SMYD3: variants seen among roughly 807,000 people sequenced by gnomAD.
SMYD3 encodes the protein SET and MYND domain containing 3, also known as histone-lysine N-methyltransferase SMYD3.
Under a neutral mutation model 57.7 loss-of-function variants are expected in SMYD3, and 36 were observed. That is an observed-to-expected ratio of 0.62 (90% CI 0.48 to 0.82). SMYD3 has a LOEUF of 0.82. Ranked by LOEUF, SMYD3 falls within the 40% of genes least tolerant of loss-of-function variation. SMYD3 has a pLI of 0.00. For missense variants in SMYD3, 515 were observed against 538.8 expected (o/e 0.96, Z 0.44); for synonymous variants, 211 against 195.0 (o/e 1.08, Z -0.68).
intron 5 of SMYD3, among the ~76,000 whole-genome samples, chr1:246,042,116 C>A (rs904291328): frequency 2.0e-5 from 3 of 152,172 alleles, no homozygotes; most frequent in Non-Finnish European, 2.9e-5. Context: ...CCTCTAACTG[C>A]AGAAAGCTTC....
Position 246,355,838 on chromosome 1 carries a change from CT to C in SMYD3, c.165-745del, listed in dbSNP as rs1280163452. On this transcript the variant is annotated intron_variant, in intron 1 of 11. Transcript: ENST00000490107. The surrounding 1 kb of genome is among the most constrained non-coding windows in gnomAD (Gnocchi z 5.0). ...GCTCAGACACACCTATCCCTGCCCC[CT>C]GGTGGTCTTTCTCTACCAGCCCTGG... 6.6e-6 allele frequency among the ~76,000 whole-genome samples: 1 copy of C among 152,154 alleles called. No individual in the cohort carries two copies. The highest frequency in any genetic ancestry group is 1.5e-5 in the Non-Finnish European group (1 of 68,014).
chr1:246,423,663 C>CA (rs1197327907), intron 1 of SMYD3, among the ~76,000 whole-genome samples: 1 of 151,194 alleles, frequency 6.6e-6, no homozygotes, highest in African/African-American at 2.4e-5. Context: ...TATTTTATCT[C>CA]AAAAAAATAA....
intron 10 of SMYD3, among the ~76,000 whole-genome samples, chr1:245,815,874 T>C (rs926298476): frequency 3.9e-5 from 6 of 152,186 alleles, no homozygotes; most frequent in African/African-American, 1.4e-4. Flanking sequence ...AGATCAGGCC[T>C]TGGACCTGGG....
chr1:246,450,722 C>A (rs752935051), intron 1 of SMYD3, among the ~76,000 whole-genome samples: 3 of 152,088 alleles, frequency 2.0e-5, no homozygotes, highest in African/African-American at 4.8e-5. Context: ...TCAGTAAATG[C>A]GTGATTATTA....
intron 2 of SMYD3, 115 bp from the exon 3 acceptor site, chr1:246,335,589 C>A: frequency 2.6e-6 from 2 of 756,240 alleles, no homozygotes; most frequent in Non-Finnish European, 4.4e-6. Context: ...AATGTAACTG[C>A]ACAATAGAAA....
intron 5 of SMYD3, among the ~76,000 whole-genome samples, chr1:246,143,872 G>T (rs2061802081): frequency 6.6e-6 from 1 of 152,140 alleles, no homozygotes; most frequent in Non-Finnish European, 1.5e-5. Flanking sequence ...AAGGGCACAG[G>T]ATCAAGATAT....
chr1:246,263,455 G>A (rs1037346743), intron 5 of SMYD3, among the ~76,000 whole-genome samples: 5 of 152,090 alleles, frequency 3.3e-5, no homozygotes, highest in Admixed American at 6.5e-5. Context: ...GGCATGAGGT[G>A]GAGCAGACTA....
chr1:245,865,516 T>C (rs2051785611), intron 8 of SMYD3, among the ~76,000 whole-genome samples: 1 of 152,154 alleles, frequency 6.6e-6, no homozygotes, highest in Non-Finnish European at 1.5e-5. Context: ...TACCTGACAA[T>C]CACTAGCCTG....
chr1:246,185,251 T>G (rs970926872), intron 5 of SMYD3, among the ~76,000 whole-genome samples: 2 of 152,244 alleles, frequency 1.3e-5, no homozygotes, highest in Admixed American at 1.3e-4. Flanking sequence ...AATTCCTTTT[T>G]TTTGGAGGCA....
At chr1:246,193,634 A>G (rs913419834) in intron 5 of SMYD3, 5 of 152,274 alleles carry the variant, frequency 3.3e-5, no homozygotes, top group Admixed American at 1.3e-4. Context: ...ATTAGCTGCT[A>G]GTCATAATCA....
rs1258810899 is a variant in SMYD3 at position 246,473,333 on chromosome 1, ATTATG to A, written c.164+33716_164+33720del. 9.8e-5 allele frequency among the ~76,000 whole-genome samples: 15 copies of A among 152,288 alleles called. No homozygotes were observed. In the East Asian group the frequency reaches 2.5e-3, roughly 25 times the overall value. ...AATATATTTAGAGTAAACCTGATTT[ATTATG>A]TTATTATTCATTTTATGTTATATAT... On this transcript the variant is annotated intron_variant, in intron 1 of 11. Coordinates refer to ENST00000490107, the MANE Select transcript of SMYD3 (RefSeq NM_001167740.2).
intron 5 of SMYD3, among the ~76,000 whole-genome samples, chr1:246,257,998 A>C (rs146087729): frequency 6.6e-6 from 1 of 152,206 alleles, no homozygotes; most frequent in East Asian, 1.9e-4. Flanking sequence ...CAGAACCATA[A>C]GTCAATTGAA....
intron 8 of SMYD3, among the ~76,000 whole-genome samples, chr1:245,870,275 C>T (rs926561886): frequency 1.2e-4 from 19 of 152,264 alleles, no homozygotes; most frequent in African/African-American, 3.6e-4. Flanking sequence ...ACGTTCCCAC[C>T]GCAGCTGTGG....
intron 10 of SMYD3, among the ~76,000 whole-genome samples, chr1:245,815,815 G>A (rs1272714955): frequency 2.0e-5 from 3 of 152,158 alleles, no homozygotes; most frequent in African/African-American, 7.2e-5. Flanking sequence ...GAGAAATTAC[G>A]GGCCTTTGAA....
intron 8 of SMYD3, among the ~76,000 whole-genome samples, chr1:245,894,870 CAG>C (rs1228254300): frequency 2.6e-5 from 4 of 152,170 alleles, no homozygotes; most frequent in African/African-American, 7.2e-5. Context: ...AAAGGTGAGA[CAG>C]AATTCACGAC....
Position 246,081,960 on chromosome 1 carries a change from G to A in SMYD3, c.532-152023C>T, listed in dbSNP as rs78884223. On this transcript the variant is annotated intron_variant, in intron 5 of 11. Transcript: ENST00000490107. ...AGCCTAAAGGCCAAATCGAGCTCCTGGATATTTGAGGAGTTCTGAAACCAC... is the reference window on the plus strand; with the variant it reads ...AGCCTAAAGGCCAAATCGAGCTCCTAGATATTTGAGGAGTTCTGAAACCAC... Among the ~76,000 whole-genome samples the A allele has an allele frequency of 7.8e-3, 1,185 of 152,276 alleles. 18 individuals carry two copies. The highest frequency in any genetic ancestry group is 0.027 in the African/African-American group (1,137 of 41,554).
At chr1:246,304,905 T>C (rs926140377) in intron 5 of SMYD3, among the ~76,000 whole-genome samples, 4 of 152,230 alleles carry the variant, frequency 2.6e-5, no homozygotes, top group Non-Finnish European at 5.9e-5. Flanking sequence ...TTCATCTTTG[T>C]TGAGATTTTT....
At chr1:246,434,200 G>A (rs1230855283) in intron 1 of SMYD3, among the ~76,000 whole-genome samples, 2 of 152,152 alleles carry the variant, frequency 1.3e-5, no homozygotes, top group Non-Finnish European at 2.9e-5. Context: ...ATTGGTTTAG[G>A]AAACACCATT....
chr1:245,813,478 G>C (rs965331456), intron 10 of SMYD3, among the ~76,000 whole-genome samples: 3 of 152,120 alleles, frequency 2.0e-5, no homozygotes, highest in African/African-American at 7.2e-5. Flanking sequence ...CTATGCTACA[G>C]AATCAAATCA....
Sources: allele counts gnomAD v4.1 joint callset (sites outside exome capture counted in the v4.1 genomes callset), GRCh38; gene constraint gnomAD v4.1.1; non-coding constraint Gnocchi (gnomAD v3.1); transcripts MANE v1.5; gene names NCBI Gene and HGNC (gene_info 2026-07-23, HGNC 2026-07-21).